SLC39A11: variants seen among roughly 807,000 people sequenced by gnomAD.
The protein encoded by SLC39A11 is solute carrier family 39 member 11.
In SLC39A11, 33 loss-of-function variants were observed where a neutral mutation model predicts 36.1. The observed-to-expected ratio is 0.91, with a 90% CI of 0.69 to 1.22. SLC39A11 has a LOEUF of 1.22. Among genes scored for constraint, SLC39A11 ranks in the 50% most tolerant of loss-of-function variants. The pLI, the probability that SLC39A11 is intolerant of heterozygous loss-of-function variation, is 0.00. For missense variants in SLC39A11, 432 were observed against 430.3 expected, an observed-to-expected ratio of 1.00 and a Z score of -0.03; for synonymous variants, 166 against 170.3, an observed-to-expected ratio of 0.97 and a Z score of 0.20.
Position 72,798,191 on chromosome 17 carries a change from T to C in SLC39A11, c.601+51443A>G, listed in dbSNP as rs34083492. ...TGAAATGCCCCAGTATATTGAAATG[T>C]GTCTTAGTCTGCTCACGCTGTTATA... On this transcript the variant is annotated intron_variant, in intron 6 of 9. Coordinates refer to ENST00000255559, the MANE Select transcript of SLC39A11 (RefSeq NM_139177.4). Among the ~76,000 whole-genome samples the C allele has an allele frequency of 6.0e-3, 916 of 152,186 alleles. 6 individuals are homozygous for C. Among genetic ancestry groups the C allele is most frequent in the Middle Eastern group, 0.027 (8 of 294 alleles).
intron 7 of SLC39A11, among the ~76,000 whole-genome samples, chr17:72,691,994 C>G (rs963166947): frequency 6.6e-6 from 1 of 151,134 alleles, no homozygotes; most frequent in Admixed American, 6.6e-5. Context: ...ATCCCTCCCC[C>G]ACCTACCTCA....
intron 6 of SLC39A11, among the ~76,000 whole-genome samples, chr17:72,757,967 C>T (rs2075425175): frequency 6.6e-6 from 1 of 152,130 alleles, no homozygotes; most frequent in Non-Finnish European, 1.5e-5. Context: ...CCTACTGCAA[C>T]CTCCACCTCC....
chr17:73,031,478 A>C lies in SLC39A11; in HGVS notation c.306+78T>G, dbSNP rs1370969426. 5.4e-6 allele frequency: 8 copies of C among 1,490,880 alleles called. No homozygotes were observed. The Admixed American group carries it at 1.3e-4, about 23-fold the overall frequency. The allele number at this position is 1,490,880 out of a possible 1,614,324, so 92.4% of individuals were successfully genotyped here. ...TAACAGAGACATTAACAGGTATGTC[A>C]GGTTTGATCAGAAATAAATTCATTG... On this transcript the variant is annotated intron_variant, in intron 4 of 9. Coordinates refer to ENST00000255559, the MANE Select transcript of SLC39A11 (RefSeq NM_139177.4).
At chr17:72,784,243 C>T (rs549161968) in intron 6 of SLC39A11, among the ~76,000 whole-genome samples, 86 of 152,084 alleles carry the variant, frequency 5.7e-4, no homozygotes, top group Admixed American at 1.0e-3. Flanking sequence ...TACTCCAGAG[C>T]CTGAAGCAGG....
chr17:72,970,348 A>G (rs1357360118), intron 4 of SLC39A11, among the ~76,000 whole-genome samples: 3 of 152,184 alleles, frequency 2.0e-5, no homozygotes, highest in African/African-American at 7.2e-5. Context: ...AATACTATTT[A>G]TGTGAGCCGG....
At chr17:72,707,590 G>C (rs928306092) in intron 7 of SLC39A11, among the ~76,000 whole-genome samples, 1 of 152,128 alleles carries the variant, frequency 6.6e-6, no homozygotes, top group East Asian at 1.9e-4. Context: ...AAATATTGAA[G>C]AACTCCTGTG....
chr17:72,661,568 C>A (rs146351473), intron 7 of SLC39A11, among the ~76,000 whole-genome samples: 297 of 152,240 alleles, frequency 2.0e-3, no homozygotes, highest in African/African-American at 6.7e-3. Context: ...ATCATCTTGC[C>A]GTGAAAGGCC....
chr17:72,740,609 T>A (rs1054605592), intron 6 of SLC39A11, among the ~76,000 whole-genome samples: 4 of 152,124 alleles, frequency 2.6e-5, no homozygotes, highest in Non-Finnish European at 5.9e-5. Flanking sequence ...AATGGTACTT[T>A]GTGTGGGTCC....
chr17:72,741,967 C>T (rs982015820), intron 6 of SLC39A11, among the ~76,000 whole-genome samples: 2 of 152,022 alleles, frequency 1.3e-5, no homozygotes, highest in African/African-American at 2.4e-5. Context: ...TTTGGGAGGC[C>T]GAGGTAGGTG....
At chr17:72,648,990 C>T (rs755953056) in intron 8 of SLC39A11, 29 bp from the exon 9 acceptor site, 53 of 1,597,052 alleles carry the variant, frequency 3.3e-5, no homozygotes, top group East Asian at 6.9e-5. Flanking sequence ...CATTTACCAC[C>T]GCAGGGGGAG....
At chr17:72,733,440 CATGAATGA>C (rs368115151) in intron 7 of SLC39A11, among the ~76,000 whole-genome samples, 2 of 152,034 alleles carry the variant, frequency 1.3e-5, no homozygotes, top group Non-Finnish European at 2.9e-5. Context: ...AGAACGGGTG[CATGAATGA>C]ATGAATGAAT....
intron 7 of SLC39A11, among the ~76,000 whole-genome samples, chr17:72,728,836 G>T (rs551428550): frequency 1.3e-5 from 2 of 152,128 alleles, no homozygotes; most frequent in East Asian, 3.9e-4. Context: ...CACGGCACGA[G>T]ATTAACCTAC....
At chr17:73,033,980 A>C (rs1180515563) in intron 3 of SLC39A11, among the ~76,000 whole-genome samples, 1 of 152,216 alleles carries the variant, frequency 6.6e-6, no homozygotes, top group Non-Finnish European at 1.5e-5. Flanking sequence ...AACTCTAAGA[A>C]TGAAAATGCC....
chr17:72,833,805 C>G (rs1296653549), intron 6 of SLC39A11, among the ~76,000 whole-genome samples: 4 of 152,080 alleles, frequency 2.6e-5, no homozygotes, highest in Admixed American at 2.6e-4. Context: ...GCTCTCGAGC[C>G]TGCTACACAA....
intron 6 of SLC39A11, among the ~76,000 whole-genome samples, chr17:72,832,386 C>T (rs558799331): frequency 6.6e-6 from 1 of 152,352 alleles, no homozygotes; most frequent in South Asian, 2.1e-4. Flanking sequence ...TGGAGAACAA[C>T]CTATTTTTTT....
At chr17:72,786,279 T>C (rs2076512658) in intron 6 of SLC39A11, among the ~76,000 whole-genome samples, 1 of 152,244 alleles carries the variant, frequency 6.6e-6, no homozygotes, top group Admixed American at 6.5e-5. Flanking sequence ...TGGAAAGTTC[T>C]ATTCTTAGTT....
intron 7 of SLC39A11, among the ~76,000 whole-genome samples, chr17:72,722,079 GA>G (rs34497288): frequency 0.36 from 52,580 of 147,190 alleles, 9,290 homozygotes; most frequent in Admixed American, 0.42. Context: ...AGTAGCCAAA[GA>G]AAAAAAAAAG....
chr17:72,916,900 CCA>C (rs1212886932), intron 5 of SLC39A11, among the ~76,000 whole-genome samples: 1 of 152,206 alleles, frequency 6.6e-6, no homozygotes, highest in East Asian at 1.9e-4. Context: ...CCCACACGTT[CCA>C]CACACATAGG....
intron 6 of SLC39A11, among the ~76,000 whole-genome samples, chr17:72,776,622 A>AC (rs1369109114): frequency 6.6e-6 from 1 of 151,068 alleles, no homozygotes; most frequent in Non-Finnish European, 1.5e-5. Context: ...AAAAAAAAAA[A>AC]AAAAAAACAG....
Sources: gnomAD v4.1 joint callset for allele counts (sites outside exome capture counted in the v4.1 genomes callset) on GRCh38, gnomAD v4.1.1 for gene constraint, MANE v1.5 for transcripts, NCBI Gene and HGNC (gene_info 2026-07-23, HGNC 2026-07-21) for gene names.